Variants in CATSPERB observed in about 807,000 individuals in gnomAD.
The protein encoded by CATSPERB is cation channel sperm-associated auxiliary subunit beta.
CATSPERB carries 93 observed loss-of-function variants against 128.3 expected under a neutral mutation model. The observed-to-expected ratio is 0.72, with a 90% CI of 0.61 to 0.86. The LOEUF is 0.86. CATSPERB is among the 40% of genes least tolerant of loss of function. The pLI, the probability that CATSPERB is intolerant of heterozygous loss-of-function variation, is 0.00. For synonymous variants in CATSPERB, 381 were observed against 448.8 expected (o/e 0.85, Z 1.91); for missense variants, 1,153 against 1,329.5 (o/e 0.87, Z 2.06).
At chr14:91,726,826 A>G (rs1416006347) in intron 2 of CATSPERB, among the ~76,000 whole-genome samples, 1 of 152,178 alleles carries the variant, frequency 6.6e-6, no homozygotes. Context: ...AGAACCAGCT[A>G]GGGCAGAACT....
At chr14:91,638,587 A>AT (rs1178532850) in intron 16 of CATSPERB, among the ~76,000 whole-genome samples, 4 of 152,034 alleles carry the variant, frequency 2.6e-5, no homozygotes, top group African/African-American at 7.2e-5. Context: ...CACCAGGCTA[A>AT]TTTTTTAATT....
At chr14:91,645,803 C>T (rs7142793) in intron 15 of CATSPERB, among the ~76,000 whole-genome samples, 7 of 147,908 alleles carry the variant, frequency 4.7e-5, no homozygotes, top group African/African-American at 1.7e-4. Flanking sequence ...GCCCCTCCCC[C>T]AGCCTCGCTG....
At chr14:91,615,397 T>C (rs758112967) in intron 20 of CATSPERB, among the ~76,000 whole-genome samples, 8 of 152,236 alleles carry the variant, frequency 5.3e-5, no homozygotes, top group Non-Finnish European at 8.8e-5. Flanking sequence ...CTGTCCTCCA[T>C]GAAACTGGTT....
rs780871686 is a variant in CATSPERB at position 91,636,505 on chromosome 14, A to G, written c.1662T>C (p.Tyr554=). The G allele has an allele frequency of 1.6e-5, 26 of 1,614,092 alleles. No homozygotes were observed. In the South Asian group the frequency reaches 2.4e-4, roughly 15 times the overall value. Residue 554 remains tyrosine, a synonymous_variant, in exon 17 of 27, where the codon TAT becomes TAC. Transcript: ENST00000256343. ...TSLDEIIFFA[Y]VPENEPQETI... is the part of the protein sequence containing the mutation. ...TTTCCTGGGGTTCGTTCTCAGGTAC[A>G]TATGCAAAAAAGATAATTTCATCTA...
chr14:91,599,620 T>C (rs975655232), intron 22 of CATSPERB, among the ~76,000 whole-genome samples: 1 of 151,670 alleles, frequency 6.6e-6, no homozygotes, highest in African/African-American at 2.4e-5. Flanking sequence ...CCGCAGGAAG[T>C]CCTGACAACA....
intron 7 of CATSPERB, among the ~76,000 whole-genome samples, chr14:91,694,386 G>A (rs1298593547): frequency 7.2e-6 from 1 of 138,896 alleles, no homozygotes; most frequent in Non-Finnish European, 1.5e-5. Context: ...CAAGGCTGTA[G>A]TGAACTATGA....
At chr14:91,695,129 ATTT>A (rs34458723) in intron 7 of CATSPERB, among the ~76,000 whole-genome samples, 12 of 133,498 alleles carry the variant, frequency 9.0e-5, no homozygotes, top group African/African-American at 8.4e-5. Flanking sequence ...AATGGTGGGA[ATTT>A]TTTTTTTTTT....
At chr14:91,650,575 T>G (rs1894686568) in intron 15 of CATSPERB, among the ~76,000 whole-genome samples, 1 of 152,188 alleles carries the variant, frequency 6.6e-6, no homozygotes, top group African/African-American at 2.4e-5. Context: ...TTGACTTACA[T>G]TTCCCATTTC....
chr14:91,667,974 G>C (rs972435551), intron 14 of CATSPERB, among the ~76,000 whole-genome samples: 4 of 152,120 alleles, frequency 2.6e-5, no homozygotes, highest in Non-Finnish European at 5.9e-5. Flanking sequence ...CTTACAAATG[G>C]AACCCCAAAT....
intron 2 of CATSPERB, among the ~76,000 whole-genome samples, chr14:91,726,158 T>C (rs1210701976): frequency 1.3e-5 from 2 of 152,328 alleles, no homozygotes; most frequent in South Asian, 2.1e-4. Context: ...GCAAACTGAT[T>C]ATTCCTGGAT....
intron 5 of CATSPERB, among the ~76,000 whole-genome samples, chr14:91,715,517 A>C (rs1895923169): frequency 7.0e-6 from 1 of 142,514 alleles, no homozygotes; most frequent in Non-Finnish European, 1.5e-5. Flanking sequence ...ATGCCAATGC[A>C]CTCCAGCCTG....
Position 91,729,472 on chromosome 14 carries a change from G to T in CATSPERB, c.8C>A (p.Ser3Ter). 2 of 1,510,806 alleles carry T rather than the reference G, an allele frequency of 1.3e-6. No homozygotes were observed. Among genetic ancestry groups the T allele is most frequent in the Non-Finnish European group, 1.8e-6 (2 of 1,100,086 alleles). The allele number at this position is 1,510,806 out of a possible 1,614,324, so 93.6% of individuals were successfully genotyped here. ...CAAAACTGAAACATATATAAGTGGC[G>T]ATTCCATCTGTTGGAATAAATAAGA... ME[S>*]PLIYVSVLLL... Residue 3 changes from serine (S) to a stop codon, truncating the protein, a stop_gained, in exon 2 of 27, where the codon TCG (serine) becomes TAG (stop). Transcript: ENST00000256343. LOFTEE classifies it high-confidence loss of function.
At chr14:91,587,935 T>G in intron 25 of CATSPERB, 43 bp downstream of exon 25, 5 of 1,244,434 alleles carry the variant, frequency 4.0e-6, no homozygotes, top group Non-Finnish European at 5.9e-6. Context: ...CATACATGTT[T>G]TATCTAAACT....
At chr14:91,723,995 C>T (rs1359673534) in intron 3 of CATSPERB, among the ~76,000 whole-genome samples, 1 of 152,098 alleles carries the variant, frequency 6.6e-6, no homozygotes, top group Admixed American at 6.5e-5. Flanking sequence ...GAAGGCAGTA[C>T]AATTTTTCAC....
chr14:91,606,621 G>A (rs910667743), intron 22 of CATSPERB, among the ~76,000 whole-genome samples: 6 of 152,188 alleles, frequency 3.9e-5, no homozygotes, highest in African/African-American at 9.7e-5. Context: ...ATGCAGGGCC[G>A]TACTGTTCAG....
Position 91,653,056 on chromosome 14 carries a change from T to G in CATSPERB, c.1432+6781A>C, listed in dbSNP as rs1355554944. Reference sequence around the variant, plus strand: ...GATTGTATAACTGTAAAACTGCTTTTGCTGGTGAACATCAAGGACAAAATA... The same window carrying G: ...GATTGTATAACTGTAAAACTGCTTTGGCTGGTGAACATCAAGGACAAAATA... On this transcript the variant is annotated intron_variant, in intron 15 of 26. Transcript: ENST00000256343. 2.0e-5 allele frequency among the ~76,000 whole-genome samples: 3 copies of G among 152,220 alleles called. No homozygotes were observed. The East Asian group carries it at 5.8e-4, about 29-fold the overall frequency.
chr14:91,693,454 AC>A lies in CATSPERB; in HGVS notation c.641del (p.Gly214ValfsTer14). 6.2e-7 allele frequency: 1 copy of A among 1,614,026 alleles called. No individual in the cohort carries two copies. ...VDGVYIGITF[G>X]GFWHDYDTTW... ...TGGTATCATAATCATGCCAGAATCC[AC>A]CAAAGGTTATGCCTATGTAAACACC... is the stretch of plus-strand genomic sequence containing the variant. On this transcript the variant is annotated frameshift_variant, in exon 8 of 27. Coordinates refer to ENST00000256343, the MANE Select transcript of CATSPERB (RefSeq NM_024764.4). LOFTEE classifies it high-confidence loss of function.
chr14:91,702,151 G>A (rs12050168), intron 7 of CATSPERB, among the ~76,000 whole-genome samples: 25,292 of 151,732 alleles, frequency 0.17, 2,777 homozygotes, highest in South Asian at 0.4. Context: ...CAAGCATGAG[G>A]AGTTCAGAAT....
intron 23 of CATSPERB, 79 bp downstream of exon 23, chr14:91,591,813 A>G: frequency 1.1e-6 from 1 of 925,056 alleles, no homozygotes; most frequent in Non-Finnish European, 1.8e-6. Flanking sequence ...CTTAGTTTTC[A>G]TGTTTAACCT....
Sources: allele counts gnomAD v4.1 joint callset (sites outside exome capture counted in the v4.1 genomes callset), GRCh38; gene constraint gnomAD v4.1.1; transcripts MANE v1.5; gene names NCBI Gene and HGNC (gene_info 2026-07-23, HGNC 2026-07-21).